Variants in BLVRA observed in about 807,000 individuals in gnomAD.
BLVRA encodes biliverdin reductase A, also known as BVR A.
A neutral mutation model predicts 32.8 loss-of-function variants in BLVRA; 22 were observed. The ratio of observed to expected loss-of-function variants is 0.67; its 90% CI spans 0.48 to 0.96. The LOEUF (loss-of-function observed/expected upper bound fraction) is 0.96. BLVRA is among the 40% of genes least tolerant of loss of function. The pLI is 0.00. For missense variants in BLVRA, 323 were observed against 358.1 expected, an observed-to-expected ratio of 0.90 and a Z score of 0.79; for synonymous variants, 119 against 141.3, an observed-to-expected ratio of 0.84 and a Z score of 1.12.
chr7:43,802,482 ACT>A (rs1224758704), intron 6 of BLVRA, among the ~76,000 whole-genome samples: 1 of 151,616 alleles, frequency 6.6e-6, no homozygotes, highest in Non-Finnish European at 1.5e-5. Flanking sequence ...TCACACCAAT[ACT>A]CTTTTTTATG....
chr7:43,777,808 A>G (rs1385654788), intron 2 of BLVRA, among the ~76,000 whole-genome samples: 3 of 152,206 alleles, frequency 2.0e-5, no homozygotes, highest in Admixed American at 6.5e-5. Flanking sequence ...GTCTTTTCAC[A>G]TAGTCCCATA....
chr7:43,781,286 C>T (rs2095769088), intron 2 of BLVRA, among the ~76,000 whole-genome samples: 1 of 152,170 alleles, frequency 6.6e-6, no homozygotes, highest in South Asian at 2.1e-4. Flanking sequence ...TTCTGTTGCC[C>T]CTTTATAGTC....
At chr7:43,798,858 A>G (rs2095795627) in intron 5 of BLVRA, among the ~76,000 whole-genome samples, 1 of 152,172 alleles carries the variant, frequency 6.6e-6, no homozygotes, top group Non-Finnish European at 1.5e-5. Context: ...AGTGAACGAC[A>G]GGAAAACAAC....
chr7:43,787,514 T>G lies in BLVRA; in HGVS notation c.13-390T>G, dbSNP rs17239516. 4.5e-4 allele frequency among the ~76,000 whole-genome samples: 69 copies of G among 152,276 alleles called. No individual in the cohort carries two copies. Among genetic ancestry groups the G allele is most frequent in the African/African-American group, 1.6e-3 (66 of 41,558 alleles). On this transcript the variant is annotated intron_variant, in intron 2 of 7. Coordinates refer to ENST00000265523, the MANE Select transcript of BLVRA (RefSeq NM_000712.4). The surrounding 1 kb of genome is among the most constrained non-coding windows in gnomAD (Gnocchi z 4.5). ...TGAATGACTCCCAGTAGTATCAGAT[T>G]CATGTGTCCACTGGAGGAGGGACCC... is the stretch of plus-strand genomic sequence containing the variant.
chr7:43,792,895 A>G, intron 5 of BLVRA, 83 bp downstream of exon 5: 2 of 1,323,110 alleles, frequency 1.5e-6, no homozygotes, highest in Non-Finnish European at 1.1e-6. Flanking sequence ...CCCATTTCAG[A>G]TATCTCCTCC....
In BLVRA at chr7:43,780,657, C is replaced by T. The variant is rs574169510; in HGVS notation, c.13-7247C>T. ...ACCTCAGGCACAGGGACGGTCCACACACCCAGTTCCTGACACATTGCCTCT... is the reference window on the plus strand; with the variant it reads ...ACCTCAGGCACAGGGACGGTCCACATACCCAGTTCCTGACACATTGCCTCT... On this transcript the variant is annotated intron_variant, in intron 2 of 7. Coordinates refer to ENST00000265523, the MANE Select transcript of BLVRA (RefSeq NM_000712.4). Among the ~76,000 whole-genome samples the T allele has an allele frequency of 2.0e-4, 31 of 152,346 alleles. No homozygotes were observed. The South Asian group carries it at 6.2e-3, about 30-fold the overall frequency.
chr7:43,780,909 G>T (rs1048789156), intron 2 of BLVRA, among the ~76,000 whole-genome samples: 28 of 152,392 alleles, frequency 1.8e-4, no homozygotes, highest in African/African-American at 5.8e-4. Flanking sequence ...AACTTTGGGA[G>T]GCCGAGGTGG....
intron 5 of BLVRA, among the ~76,000 whole-genome samples, chr7:43,799,265 T>TA (rs1170675628): frequency 6.6e-6 from 1 of 152,140 alleles, no homozygotes; most frequent in Non-Finnish European, 1.5e-5. Flanking sequence ...GATGCTGGGT[T>TA]AGACAAAGGC....
intron 1 of BLVRA, chr7:43,767,373 G>A (rs1217885868): frequency 6.2e-7 from 1 of 1,600,480 alleles, no homozygotes; most frequent in African/African-American, 1.3e-5. Flanking sequence ...CTACACTGAA[G>A]ACGCTCCTGT....
At chr7:43,764,778 A>C (rs2095745956) in intron 1 of BLVRA, among the ~76,000 whole-genome samples, 1 of 139,940 alleles carries the variant, frequency 7.1e-6, no homozygotes, top group East Asian at 2.5e-4. Flanking sequence ...CACCCCCCGC[A>C]AAAAAAAGAA....
chr7:43,787,926 T>C lies in BLVRA; in HGVS notation c.35T>C (p.Val12Ala). The C allele has an allele frequency of 6.2e-7, 1 of 1,614,002 alleles. No individual in the cohort carries two copies. Among genetic ancestry groups the C allele is most frequent in the Non-Finnish European group, 8.5e-7 (1 of 1,180,004 alleles). ...NAEPERKFGV[V>A]VVGVGRAGSV... ...CAGCCCGAGAGGAAGTTTGGCGTGG[T>C]GGTGGTTGGTGTTGGCCGAGCCGGC... The change falls in exon 3 of 8, where the codon GTG (valine) becomes GCG (alanine). Residue 12 changes from valine (V) to alanine (A), a missense_variant. Physicochemically the swap from Val to Ala is moderately conservative, Grantham distance 64 (BLOSUM62 0). Coordinates refer to ENST00000265523, the MANE Select transcript of BLVRA (RefSeq NM_000712.4). This position sits in a 1 kb window ranked among gnomAD's most constrained non-coding sequence, Gnocchi z 4.5.
At chr7:43,770,328 A>G (rs1369069782) in intron 1 of BLVRA, among the ~76,000 whole-genome samples, 1 of 152,178 alleles carries the variant, frequency 6.6e-6, no homozygotes, top group East Asian at 1.9e-4. Context: ...GAAAAAATTA[A>G]TCTTTACAGG....
At chr7:43,792,876 A>G in intron 5 of BLVRA, 64 bp downstream of exon 5, 1 of 1,488,822 alleles carries the variant, frequency 6.7e-7, no homozygotes, top group Non-Finnish European at 9.3e-7. Context: ...TATGCCTTTA[A>G]AACTTAACCC....
chr7:43,771,250 C>A, intron 2 of BLVRA, 80 bp downstream of exon 2: 1 of 1,510,614 alleles, frequency 6.6e-7, no homozygotes, highest in Non-Finnish European at 9.2e-7. Flanking sequence ...GTCTCCATTC[C>A]CTTTCAGAAA....
chr7:43,770,846 T>C lies in BLVRA; in HGVS notation c.-21-292T>C, dbSNP rs17239460. On this transcript the variant is annotated intron_variant, in intron 1 of 7. Coordinates refer to ENST00000265523, the MANE Select transcript of BLVRA (RefSeq NM_000712.4). ...GAAGTGCATCCTTCCCATGGAGGCATCCCGATTGCAGCTGCTCTTCCAATG... is the reference window on the plus strand; with the variant it reads ...GAAGTGCATCCTTCCCATGGAGGCACCCCGATTGCAGCTGCTCTTCCAATG... Among the ~76,000 whole-genome samples, 1,137 of 152,288 alleles carry C rather than the reference T, an allele frequency of 7.5e-3. 20 individuals carry two copies. Among genetic ancestry groups the C allele is most frequent in the African/African-American group, 0.026 (1,076 of 41,556 alleles).
At chr7:43,802,690 A>G (rs188425396) in intron 6 of BLVRA, among the ~76,000 whole-genome samples, 1 of 152,170 alleles carries the variant, frequency 6.6e-6, no homozygotes, top group East Asian at 1.9e-4. Flanking sequence ...TTGTAGAGAC[A>G]GAGTCTTGCT....
At chr7:43,782,980 T>TGGACA (rs2095771917) in intron 2 of BLVRA, among the ~76,000 whole-genome samples, 1 of 150,766 alleles carries the variant, frequency 6.6e-6, no homozygotes, top group Non-Finnish European at 1.5e-5. Flanking sequence ...TTGGGGTCAT[T>TGGACA]GGACAGGGCA....
intron 3 of BLVRA, among the ~76,000 whole-genome samples, chr7:43,788,794 G>A (rs1160732689): frequency 1.3e-5 from 2 of 149,742 alleles, no homozygotes; most frequent in Admixed American, 6.6e-5. Context: ...ACACCACCAC[G>A]CCTGGATAAT....
chr7:43,779,754 CCATCAGT>C (rs2095766561), intron 2 of BLVRA, among the ~76,000 whole-genome samples: 1 of 152,198 alleles, frequency 6.6e-6, no homozygotes, highest in Admixed American at 6.5e-5. Context: ...AGGAGCAGTT[CCATCAGT>C]CATCAGTGAT....
Sources: allele counts gnomAD v4.1 joint callset (sites outside exome capture counted in the v4.1 genomes callset), GRCh38; gene constraint gnomAD v4.1.1; non-coding constraint Gnocchi (gnomAD v3.1); transcripts MANE v1.5; gene names NCBI Gene and HGNC (gene_info 2026-07-23, HGNC 2026-07-21).